PRKN: variants seen among roughly 807,000 people sequenced by gnomAD.
The protein encoded by PRKN is parkin RBR E3 ubiquitin protein ligase.
Under a neutral mutation model 59.5 loss-of-function variants are expected in PRKN, and 56 were observed. The ratio of observed to expected loss-of-function variants is 0.94; its 90% CI spans 0.76 to 1.18. The LOEUF is 1.18. Ranked by LOEUF, PRKN falls within the 50% of genes most tolerant of loss-of-function variation. The pLI is 0.00. For missense variants in PRKN, 657 were observed against 596.4 expected, an observed-to-expected ratio of 1.10 and a Z score of -1.06; for synonymous variants, 250 against 222.1, an observed-to-expected ratio of 1.13 and a Z score of -1.12.
At chr6:161,469,571 G>C (rs1289961344) in intron 9 of PRKN, among the ~76,000 whole-genome samples, 1 of 148,854 alleles carries the variant, frequency 6.7e-6, no homozygotes, top group Non-Finnish European at 1.5e-5. Context: ...GAGAGAGAGA[G>C]AAAGAGAGAG....
intron 5 of PRKN, among the ~76,000 whole-genome samples, chr6:161,992,611 G>T (rs895837827): frequency 6.6e-6 from 1 of 152,136 alleles, no homozygotes; most frequent in African/African-American, 2.4e-5. Flanking sequence ...GGAATTAACA[G>T]ACTTCTACAG....
intron 2 of PRKN, among the ~76,000 whole-genome samples, chr6:162,349,782 G>A (rs1784550192): frequency 6.6e-6 from 1 of 152,150 alleles, no homozygotes; most frequent in South Asian, 2.1e-4. Context: ...CCCTTAAAAG[G>A]AGGAACACAG....
At chr6:161,903,972 A>G (rs1778034031) in intron 6 of PRKN, among the ~76,000 whole-genome samples, 1 of 151,844 alleles carries the variant, frequency 6.6e-6, no homozygotes, top group Non-Finnish European at 1.5e-5. Flanking sequence ...GAGAAACAGG[A>G]GGGAAGCAGA....
chr6:162,629,324 T>TATG (rs1441892628), intron 1 of PRKN, among the ~76,000 whole-genome samples: 1 of 152,178 alleles, frequency 6.6e-6, no homozygotes, highest in Non-Finnish European at 1.5e-5. Context: ...TGCTTGACCA[T>TATG]ATGGTCTGTT....
intron 2 of PRKN, among the ~76,000 whole-genome samples, chr6:162,392,187 G>A (rs747441766): frequency 1.3e-5 from 2 of 151,672 alleles, no homozygotes; most frequent in Non-Finnish European, 2.9e-5. Flanking sequence ...TGCATTCTTT[G>A]TGTGATACAG....
intron 7 of PRKN, among the ~76,000 whole-genome samples, chr6:161,709,499 T>C (rs1445222202): frequency 6.6e-6 from 1 of 152,156 alleles, no homozygotes; most frequent in African/African-American, 2.4e-5. Flanking sequence ...CACGTGGAAA[T>C]TTTGATATTA....
intron 1 of PRKN, among the ~76,000 whole-genome samples, chr6:162,535,756 A>G (rs1392599073): frequency 6.6e-6 from 1 of 151,954 alleles, no homozygotes; most frequent in African/African-American, 2.4e-5. Flanking sequence ...AAAAATAGAA[A>G]AAATTAGCCG....
chr6:162,697,634 T>C (rs1307996346), intron 1 of PRKN, among the ~76,000 whole-genome samples: 9 of 152,286 alleles, frequency 5.9e-5, no homozygotes, highest in African/African-American at 1.7e-4. Context: ...GCGTCAAAAG[T>C]TGGGAAGCAT....
intron 4 of PRKN, among the ~76,000 whole-genome samples, chr6:162,079,993 C>T (rs1339711740): frequency 1.3e-5 from 2 of 152,062 alleles, no homozygotes; most frequent in South Asian, 2.1e-4. Context: ...CAGGTTGACA[C>T]ATTTTGCTTT....
At chr6:162,412,932 A>G (rs1788422031) in intron 2 of PRKN, among the ~76,000 whole-genome samples, 1 of 152,230 alleles carries the variant, frequency 6.6e-6, no homozygotes, top group Non-Finnish European at 1.5e-5. Context: ...AACTTTCAAA[A>G]CAATAAGAGA....
chr6:162,450,329 G>GCCCCTGTGATTGTAATC (rs1166580314), intron 1 of PRKN, among the ~76,000 whole-genome samples: 15 of 94,388 alleles, frequency 1.6e-4, no homozygotes, highest in African/African-American at 4.4e-4. Flanking sequence ...GAATGTAAAC[G>GCCCCTGTGATTGTAATC]CCCCTGTGAT....
intron 1 of PRKN, among the ~76,000 whole-genome samples, chr6:162,647,802 T>G (rs531917286): frequency 3.9e-4 from 60 of 152,058 alleles, no homozygotes; most frequent in Non-Finnish European, 7.5e-4. Context: ...TACTTTATAT[T>G]CCTTTTCTTG....
At chr6:161,714,426 C>A (rs1373295311) in intron 7 of PRKN, among the ~76,000 whole-genome samples, 1 of 152,158 alleles carries the variant, frequency 6.6e-6, no homozygotes, top group Non-Finnish European at 1.5e-5. Context: ...TTGCCTTTTG[C>A]CATGTGAAGA....
At chr6:161,876,271 T>A (rs554510232) in intron 6 of PRKN, among the ~76,000 whole-genome samples, 34 of 152,298 alleles carry the variant, frequency 2.2e-4, no homozygotes, top group Non-Finnish European at 3.8e-4. Flanking sequence ...TTATTGTCTT[T>A]CCATTTTTTG....
At chr6:161,721,532 A>C (rs1787220116) in intron 7 of PRKN, among the ~76,000 whole-genome samples, 1 of 152,254 alleles carries the variant, frequency 6.6e-6, no homozygotes, top group South Asian at 2.1e-4. Flanking sequence ...TCTTGATAAA[A>C]TAATAAAAAG....
In PRKN at chr6:161,882,045, C is replaced by T. The variant is rs115709239; in HGVS notation, c.734+91257G>A. 5.8e-3 allele frequency among the ~76,000 whole-genome samples: 888 copies of T among 152,184 alleles called. 7 individuals are homozygous for T. Among genetic ancestry groups the T allele is most frequent in the African/African-American group, 0.02 (841 of 41,516 alleles). ...CCACCCGGATAGCTAGCAGATTATTCAGAATAGCTATATAGAGCCTTGGTA... is the reference window on the plus strand; with the variant it reads ...CCACCCGGATAGCTAGCAGATTATTTAGAATAGCTATATAGAGCCTTGGTA... On this transcript the variant is annotated intron_variant, in intron 6 of 11. Coordinates refer to ENST00000366898, the MANE Select transcript of PRKN (RefSeq NM_004562.3).
At chr6:162,300,112 ACTAT>A (rs1178873147) in intron 2 of PRKN, among the ~76,000 whole-genome samples, 1 of 152,176 alleles carries the variant, frequency 6.6e-6, no homozygotes, top group African/African-American at 2.4e-5. Flanking sequence ...GATTTATGAA[ACTAT>A]CTACTCTGGA....
At chr6:161,945,587 A>G (rs1562408857) in intron 6 of PRKN, among the ~76,000 whole-genome samples, 1 of 152,170 alleles carries the variant, frequency 6.6e-6, no homozygotes, top group Admixed American at 6.5e-5. Context: ...ACAGTAACCT[A>G]TCTTTCTTTT....
intron 6 of PRKN, among the ~76,000 whole-genome samples, chr6:161,823,254 CTGT>C (rs1234861829): frequency 6.6e-6 from 1 of 151,950 alleles, no homozygotes; most frequent in African/African-American, 2.4e-5. Flanking sequence ...TCTTTTTTTC[CTGT>C]TGGCATGTAC....
Sources: gnomAD v4.1 joint callset for allele counts (sites outside exome capture counted in the v4.1 genomes callset) on GRCh38, gnomAD v4.1.1 for gene constraint, MANE v1.5 for transcripts, NCBI Gene and HGNC (gene_info 2026-07-23, HGNC 2026-07-21) for gene names.